The following EFCAB8 variants were observed in gnomAD, a reference collection of about 807,000 sequenced individuals.
EFCAB8 encodes EF-hand calcium-binding domain-containing protein 8.
A neutral mutation model predicts 116.3 loss-of-function variants in EFCAB8; 100 were observed. The observed-to-expected ratio is 0.86, with a 90% CI of 0.73 to 1.02. The LOEUF is 1.02. EFCAB8 is among the 50% of genes least tolerant of loss of function. EFCAB8 has a pLI of 0.00. For synonymous variants in EFCAB8, 558 were observed against 567.9 expected (o/e 0.98, Z 0.25); for missense variants, 1,320 against 1,416.9 (o/e 0.93, Z 1.10).
chr20:32,894,058 C>T (rs2146214491), intron 9 of EFCAB8, among the ~76,000 whole-genome samples: 1 of 152,304 alleles, frequency 6.6e-6, no homozygotes, highest in African/African-American at 2.4e-5. Context: ...CTGCCCAGGT[C>T]GCTAGATCCC....
At chr20:32,924,632 A>G (rs73249236) in intron 20 of EFCAB8, among the ~76,000 whole-genome samples, 12,635 of 152,224 alleles carry the variant, frequency 0.083, 694 homozygotes, top group Admixed American at 0.14. Context: ...ATTTGTTTTC[A>G]AAGTTCAAGT....
chr20:32,907,804 TG>T (rs913115667), intron 13 of EFCAB8, among the ~76,000 whole-genome samples: 7 of 152,240 alleles, frequency 4.6e-5, no homozygotes, highest in Admixed American at 4.6e-4. Flanking sequence ...GTCAGGGTCT[TG>T]GAGGGACTTC....
chr20:32,868,458 T>G (rs899683540), intron 3 of EFCAB8, among the ~76,000 whole-genome samples: 2 of 152,158 alleles, frequency 1.3e-5, no homozygotes, highest in African/African-American at 4.8e-5. Context: ...ATCTAGAAAA[T>G]TTTTAAAAAT....
intron 6 of EFCAB8, among the ~76,000 whole-genome samples, 180 bp from the exon 7 acceptor site, chr20:32,889,119 CTG>C (rs1453180418): frequency 6.6e-6 from 1 of 152,128 alleles, no homozygotes; most frequent in African/African-American, 2.4e-5. Context: ...AATGTGGAAA[CTG>C]AGACCCAGGG....
chr20:32,883,031 G>A (rs555626537), intron 5 of EFCAB8, among the ~76,000 whole-genome samples: 36 of 152,116 alleles, frequency 2.4e-4, no homozygotes, highest in African/African-American at 8.0e-4. Flanking sequence ...GGATTTCACC[G>A]TATTGGCCAG....
intron 11 of EFCAB8, among the ~76,000 whole-genome samples, chr20:32,900,516 G>A (rs1026416180): frequency 7.9e-5 from 12 of 150,986 alleles, no homozygotes; most frequent in East Asian, 1.9e-4. Flanking sequence ...ACGTGCCCCC[G>A]TGCTCAGCTA....
At chr20:32,885,407 T>G in intron 5 of EFCAB8, 98 bp from the exon 6 acceptor site, 1 of 1,490,906 alleles carries the variant, frequency 6.7e-7, no homozygotes, top group Non-Finnish European at 9.0e-7. Flanking sequence ...TCCGCCGGCT[T>G]TTGTCCCTCC....
chr20:32,865,659 C>G (rs548487819), intron 2 of EFCAB8, among the ~76,000 whole-genome samples: 123 of 151,892 alleles, frequency 8.1e-4, no homozygotes, highest in African/African-American at 2.7e-3. Context: ...ATTAGCCAGG[C>G]GTGGTGACTC....
At chr20:32,956,143 C>A (rs1988958042) in intron 23 of EFCAB8, among the ~76,000 whole-genome samples, 1 of 151,694 alleles carries the variant, frequency 6.6e-6, no homozygotes, top group African/African-American at 2.4e-5. Context: ...TTGTATTATT[C>A]TTTTAGTGAT....
In EFCAB8 at chr20:32,943,673, C is replaced by T. The variant is rs543643517; in HGVS notation, c.2828C>T (p.Thr943Met). 11 of 417,190 alleles carry T rather than the reference C, an allele frequency of 2.6e-5. No individual in the cohort carries two copies. The highest frequency in any genetic ancestry group is 1.0e-4 in the African/African-American group (5 of 48,826). The allele number at this position is 417,190 out of a possible 1,614,324, so 25.8% of individuals were successfully genotyped here. A position where few individuals can be genotyped will look rare whatever the true frequency, so the allele number is the denominator to read the frequency against. Residue 943 changes from threonine to methionine, a missense_variant, in exon 23 of 27, where the codon ACG (threonine) becomes ATG (methionine). Coordinates refer to ENST00000400522, the MANE Select transcript of EFCAB8 (RefSeq NM_001143967.2). ...CATACCATTTCCCTGGTTCCCCCCA[C>T]GCTCCTGATGACCTGGAAAGGCCAT... ...AGHTISLVPPTLLMTWKGHLN... is the reference protein window; with the variant it reads ...AGHTISLVPPMLLMTWKGHLN...
At chr20:32,913,506 G>A (rs1987037896) in intron 17 of EFCAB8, among the ~76,000 whole-genome samples, 1 of 152,100 alleles carries the variant, frequency 6.6e-6, no homozygotes, top group African/African-American at 2.4e-5. Context: ...TTCCGTCCCT[G>A]ACTTCCCAAA....
In EFCAB8 at chr20:32,909,900, G is replaced by A. The variant is rs1986839024; in HGVS notation, c.1526G>A (p.Cys509Tyr). Reference sequence around the variant, plus strand: ...AGGACCACTCATTGCTCACCCCTGTGTGCTGTCCTCTACAGCAAGATCTTT... The same window carrying A: ...AGGACCACTCATTGCTCACCCCTGTATGCTGTCCTCTACAGCAAGATCTTT... ...RKRTTHCSPL[C>Y]AVLYSKIFKQ... is the part of the protein sequence containing the mutation. Residue 509 changes from cysteine (C) to tyrosine (Y), a missense_variant, in exon 15 of 27, where the codon TGT becomes TAT. By Grantham distance (194) the Cys-to-Tyr change is radical. Transcript: ENST00000400522. 7 of 1,249,818 alleles carry A rather than the reference G, an allele frequency of 5.6e-6. No individual in the cohort carries two copies. The Admixed American group carries it at 3.0e-4, about 53-fold the overall frequency. The allele number at this position is 1,249,818 out of a possible 1,614,324, so 77.4% of individuals were successfully genotyped here. A position where few individuals can be genotyped will look rare whatever the true frequency, so the allele number is the denominator to read the frequency against.
At chr20:32,905,841 T>C (rs1423186337) in intron 11 of EFCAB8, among the ~76,000 whole-genome samples, 2 of 151,866 alleles carry the variant, frequency 1.3e-5, no homozygotes, top group African/African-American at 4.8e-5. Flanking sequence ...TATGACCTGC[T>C]TCAGGGAGAA....
chr20:32,900,247 C>A (rs1410155006), intron 11 of EFCAB8, among the ~76,000 whole-genome samples: 1 of 152,198 alleles, frequency 6.6e-6, no homozygotes, highest in East Asian at 1.9e-4. Context: ...TTTCGTCCAA[C>A]TCCTCATTTT....
chr20:32,955,994 A>G (rs563771006), intron 23 of EFCAB8, among the ~76,000 whole-genome samples: 1 of 152,220 alleles, frequency 6.6e-6, no homozygotes, highest in East Asian at 1.9e-4. Flanking sequence ...AGTTGGGTTG[A>G]AGTCAATCAT....
At chr20:32,882,694 G>T (rs562211012) in intron 5 of EFCAB8, among the ~76,000 whole-genome samples, 15 of 149,692 alleles carry the variant, frequency 1.0e-4, no homozygotes, top group East Asian at 5.9e-4. Context: ...CCGATTTTTT[G>T]TTGTTGTTGT....
chr20:32,953,648 C>T (rs1826200367), intron 23 of EFCAB8, among the ~76,000 whole-genome samples: 2 of 152,094 alleles, frequency 1.3e-5, no homozygotes, highest in Non-Finnish European at 2.9e-5. Context: ...AATATCTATT[C>T]AAGTCTTTTG....
chr20:32,905,035 G>T lies in EFCAB8; in HGVS notation c.1089-1527G>T, dbSNP rs555161669. ...ATCTGCGGTTCTTAGGCCTGTGAGG[G>T]CTGCAGGGCCCTGGCCTTCCTGGAA... On this transcript the variant is annotated intron_variant, in intron 11 of 26. Transcript: ENST00000400522. Among the ~76,000 whole-genome samples, 19 of 152,254 alleles carry T rather than the reference G, an allele frequency of 1.2e-4. No individual in the cohort carries two copies. The South Asian group carries it at 3.7e-3, about 30-fold the overall frequency.
intron 11 of EFCAB8, chr20:32,903,710 TTGTGTCTCTGG>T (rs1261091543): frequency 2.0e-5 from 3 of 152,380 alleles, no homozygotes; most frequent in African/African-American, 7.2e-5. Flanking sequence ...AGAGGAATCC[TTGTGTCTCTGG>T]ACAGATGATT....
Sources: gnomAD v4.1 joint callset for allele counts (sites outside exome capture counted in the v4.1 genomes callset) on GRCh38, gnomAD v4.1.1 for gene constraint, MANE v1.5 for transcripts, NCBI Gene and HGNC (gene_info 2026-07-23, HGNC 2026-07-21) for gene names.